Variants in CXCR2 observed in about 807,000 individuals in gnomAD.
The protein encoded by CXCR2 is C-X-C motif chemokine receptor 2.
A neutral mutation model predicts 3.7 loss-of-function variants in CXCR2; 2 were observed. The ratio of observed to expected loss-of-function variants is 0.55; its 90% CI spans 0.22 to 1.72. The LOEUF is 1.72. CXCR2 is among the 40% of genes most tolerant of loss of function. CXCR2 has a pLI of 0.19. For missense variants in CXCR2, 351 were observed against 450.1 expected (o/e 0.78, Z 1.99); for synonymous variants, 203 against 193.3 (o/e 1.05, Z -0.41).
rs1690773912 is a variant in CXCR2 at position 218,135,565 on chromosome 2, C to T, written c.764C>T (p.Ala255Val). 3 of 1,614,198 alleles carry T rather than the reference C, an allele frequency of 1.9e-6. No individual in the cohort carries two copies. Among genetic ancestry groups the T allele is most frequent in the Non-Finnish European group, 2.5e-6 (3 of 1,180,040 alleles). ...CACCGGGCCATGCGGGTCATCTTTG[C>T]TGTCGTCCTCATCTTCCTGCTCTGC... Reference protein sequence around the residue: ...QKHRAMRVIFAVVLIFLLCWL... With the variant: ...QKHRAMRVIFVVVLIFLLCWL... Residue 255 changes from alanine to valine, a missense_variant, in exon 3 of 3, where the codon GCT (alanine) becomes GTT (valine). Physicochemically the swap from Ala to Val is moderately conservative, Grantham distance 64 (BLOSUM62 0). Coordinates refer to ENST00000318507, the MANE Select transcript of CXCR2 (RefSeq NM_001557.4). The surrounding 1 kb of genome is among the most constrained non-coding windows in gnomAD (Gnocchi z 4.0).
Position 218,137,018 on chromosome 2 carries a change from G to C in CXCR2, c.*1134G>C, listed in dbSNP as rs995412543. 1 of 166,998 alleles carries C rather than the reference G, an allele frequency of 6.0e-6. No individual in the cohort carries two copies. Among genetic ancestry groups the C allele is most frequent in the Admixed American group, 6.5e-5 (1 of 15,278 alleles). The allele number at this position is 166,998 out of a possible 1,614,324, so 10.3% of individuals were successfully genotyped here. On this transcript the variant is annotated 3_prime_UTR_variant, in exon 3 of 3. Coordinates refer to ENST00000318507, the MANE Select transcript of CXCR2 (RefSeq NM_001557.4). ...AAAAGTTCTGCAGATAAACAGTAGT[G>C]ATAGTTGTACCGCAATGTGACTTAA...
Position 218,136,030 on chromosome 2 carries a change from A to C in CXCR2, c.*146A>C. The C allele has an allele frequency of 9.3e-7, 1 of 1,072,326 alleles. No individual in the cohort carries two copies. The highest frequency in any genetic ancestry group is 1.4e-6 in the Non-Finnish European group (1 of 737,172). 66.4% of individuals were successfully genotyped at this position (1,072,326 alleles called of 1,614,324 possible). On this transcript the variant is annotated 3_prime_UTR_variant, in exon 3 of 3. Coordinates refer to ENST00000318507, the MANE Select transcript of CXCR2 (RefSeq NM_001557.4). ...AGGAAGTAGAGGAGGCCACGTTCTT[A>C]CTAGTTTCCCTTGCATGGTTTAGAA...
chr2:218,133,458 C>T (rs915946535), intron 2 of CXCR2, among the ~76,000 whole-genome samples: 14 of 151,910 alleles, frequency 9.2e-5, no homozygotes, highest in Admixed American at 7.9e-4. Flanking sequence ...CGTCACCATA[C>T]CTGGCTAATT....
intron 2 of CXCR2, among the ~76,000 whole-genome samples, chr2:218,130,162 TG>T (rs1690607019): frequency 6.6e-6 from 1 of 152,200 alleles, no homozygotes; most frequent in African/African-American, 2.4e-5. Flanking sequence ...GGCTTACACC[TG>T]TAATCTCAGC....
rs1254500972 is a variant in CXCR2 at position 218,135,032 on chromosome 2, G to C, written c.231G>C (p.Arg77Ser). Residue 77 changes from arginine to serine, a missense_variant, in exon 3 of 3, where the codon AGG becomes AGC. By Grantham distance (110) the Arg-to-Ser change is moderately radical. Transcript: ENST00000318507. This position sits in a 1 kb window ranked among gnomAD's most constrained non-coding sequence, Gnocchi z 4.0. Reference sequence around the variant, plus strand: ...TGATGCTGGTCATCTTATACAGCAGGGTCGGCCGCTCCGTCACTGATGTCT... The same window carrying C: ...TGATGCTGGTCATCTTATACAGCAGCGTCGGCCGCTCCGTCACTGATGTCT... ...SLVMLVILYSRVGRSVTDVYL... is the reference protein window; with the variant it reads ...SLVMLVILYSSVGRSVTDVYL... 6.2e-7 allele frequency: 1 copy of C among 1,614,184 alleles called. No homozygotes were observed. Among genetic ancestry groups the C allele is most frequent in the Non-Finnish European group, 8.5e-7 (1 of 1,180,036 alleles).
intron 2 of CXCR2, among the ~76,000 whole-genome samples, chr2:218,132,064 A>G (rs1690660025): frequency 6.6e-6 from 1 of 152,028 alleles, no homozygotes; most frequent in Admixed American, 6.5e-5. Context: ...TTATTTTTGT[A>G]ATATTTGTAT....
intron 1 of CXCR2, among the ~76,000 whole-genome samples, chr2:218,128,630 G>T (rs896735683): frequency 3.9e-5 from 6 of 152,154 alleles, no homozygotes; most frequent in African/African-American, 1.2e-4. Context: ...TTACCAAAAG[G>T]CTTTCTTTCC....
rs1690761650 is a variant in CXCR2 at position 218,135,366 on chromosome 2, T to G, written c.565T>G (p.Ser189Ala). 1.2e-6 allele frequency: 2 copies of G among 1,614,218 alleles called. No individual in the cohort carries two copies. The highest frequency in any genetic ancestry group is 2.7e-5 in the African/African-American group (2 of 75,056). ...CTTACTTTTCCGAAGGACCGTCTAC[T>G]CATCCAATGTTAGCCCAGCCTGCTA... is the stretch of plus-strand genomic sequence containing the variant. Reference protein sequence around the residue: ...PVLLFRRTVYSSNVSPACYED... With the variant: ...PVLLFRRTVYASNVSPACYED... Residue 189 changes from serine to alanine, a missense_variant, in exon 3 of 3, where the codon TCA (serine) becomes GCA (alanine). By Grantham distance (99) the Ser-to-Ala change is moderately conservative. Coordinates refer to ENST00000318507, the MANE Select transcript of CXCR2 (RefSeq NM_001557.4). The surrounding 1 kb of genome is among the most constrained non-coding windows in gnomAD (Gnocchi z 4.0).
chr2:218,127,588 C>A (rs952305302), intron 1 of CXCR2, among the ~76,000 whole-genome samples: 1 of 152,150 alleles, frequency 6.6e-6, no homozygotes, highest in Non-Finnish European at 1.5e-5. Context: ...CAGGGAGGTA[C>A]CTAATGGAGC....
At chr2:218,126,513 A>G (rs1035378219) in intron 1 of CXCR2, among the ~76,000 whole-genome samples, 160 bp downstream of exon 1, 10 of 152,244 alleles carry the variant, frequency 6.6e-5, no homozygotes, top group Non-Finnish European at 1.5e-4. Context: ...GTTGCACAAA[A>G]GAATTTTCTG....
chr2:218,131,470 C>G (rs1574539383), intron 2 of CXCR2, among the ~76,000 whole-genome samples: 2 of 134,156 alleles, frequency 1.5e-5, no homozygotes, highest in South Asian at 4.8e-4. Flanking sequence ...ACAATGTTAA[C>G]TTTTTTTTTT....
intron 1 of CXCR2, among the ~76,000 whole-genome samples, chr2:218,127,850 C>T (rs1156348342): frequency 2.0e-5 from 3 of 152,164 alleles, no homozygotes; most frequent in Non-Finnish European, 4.4e-5. Flanking sequence ...AGACACTCAA[C>T]ATTACAGCTA....
At chr2:218,133,918 G>T (rs912094691) in intron 2 of CXCR2, among the ~76,000 whole-genome samples, 1 of 152,174 alleles carries the variant, frequency 6.6e-6, no homozygotes, top group Admixed American at 6.5e-5. Context: ...AACCTGTTAC[G>T]TTTCCACCCA....
chr2:218,136,076 C>T lies in CXCR2; in HGVS notation c.*192C>T, dbSNP rs773368521. The T allele has an allele frequency of 4.4e-6, 3 of 680,558 alleles. No individual in the cohort carries two copies. Among genetic ancestry groups the T allele is most frequent in the Non-Finnish European group, 7.4e-6 (3 of 407,186 alleles). 42.2% of individuals were successfully genotyped at this position (680,558 alleles called of 1,614,324 possible). A position where few individuals can be genotyped will look rare whatever the true frequency, so the allele number is the denominator to read the frequency against. On this transcript the variant is annotated 3_prime_UTR_variant, in exon 3 of 3. Transcript: ENST00000318507. ...TAGAAAGCTTGCCCTGGTGCCTCACCCCTTGCCATAATTACTATGTCATTT... is the reference window on the plus strand; with the variant it reads ...TAGAAAGCTTGCCCTGGTGCCTCACTCCTTGCCATAATTACTATGTCATTT...
chr2:218,128,054 G>A (rs1450207295), intron 1 of CXCR2, among the ~76,000 whole-genome samples: 3 of 152,126 alleles, frequency 2.0e-5, no homozygotes, highest in Non-Finnish European at 2.9e-5. Flanking sequence ...TATGTTTTAC[G>A]TGATTTACAA....
At chr2:218,133,917 C>T (rs1405079588) in intron 2 of CXCR2, among the ~76,000 whole-genome samples, 7 of 152,228 alleles carry the variant, frequency 4.6e-5, no homozygotes, top group South Asian at 4.1e-4. Context: ...TAACCTGTTA[C>T]GTTTCCACCC....
intron 2 of CXCR2, among the ~76,000 whole-genome samples, chr2:218,133,967 A>G (rs993543843): frequency 7.2e-5 from 11 of 152,156 alleles, no homozygotes; most frequent in African/African-American, 2.4e-4. Context: ...ATTGTTTTTA[A>G]TATACTTTTC....
At chr2:218,133,872 G>A (rs17844762) in intron 2 of CXCR2, among the ~76,000 whole-genome samples, 239 of 152,304 alleles carry the variant, frequency 1.6e-3, no homozygotes, top group Non-Finnish European at 3.0e-3. Flanking sequence ...TGCTTATCCC[G>A]CATGGTGGCA....
At position 218,135,569 on chromosome 2, in the gene CXCR2, C is replaced by G. The variant is rs11574750; in HGVS notation, c.768C>G (p.Val256=). Residue 256 remains valine, a synonymous_variant, in exon 3 of 3, where the codon GTC becomes GTG. Transcript: ENST00000318507. This position sits in a 1 kb window ranked among gnomAD's most constrained non-coding sequence, Gnocchi z 4.0. ...KHRAMRVIFA[V]VLIFLLCWLP... Reference sequence around the variant, plus strand: ...GGGCCATGCGGGTCATCTTTGCTGTCGTCCTCATCTTCCTGCTCTGCTGGC... The same window carrying G: ...GGGCCATGCGGGTCATCTTTGCTGTGGTCCTCATCTTCCTGCTCTGCTGGC... The G allele has an allele frequency of 3.7e-6, 6 of 1,614,112 alleles. No homozygotes were observed. In the South Asian group the frequency reaches 6.6e-5, roughly 18 times the overall value.
Sources: gnomAD v4.1 joint callset for allele counts (sites outside exome capture counted in the v4.1 genomes callset) on GRCh38, gnomAD v4.1.1 for gene constraint, Gnocchi (gnomAD v3.1) non-coding constraint, MANE v1.5 for transcripts, NCBI Gene and HGNC (gene_info 2026-07-23, HGNC 2026-07-21) for gene names.